Variants in HDAC9 observed in about 807,000 individuals in gnomAD.
HDAC9 encodes the protein histone deacetylase 9.
In HDAC9, 41 loss-of-function variants were observed where a neutral mutation model predicts 139.4. The observed-to-expected ratio is 0.29, with a 90% confidence interval of 0.23 to 0.38. HDAC9 has a LOEUF of 0.38. Ranked by LOEUF, HDAC9 falls within the 10% of genes least tolerant of loss-of-function variation. The pLI is 1.00. For missense variants in HDAC9, 1,147 were observed against 1,297.0 expected (o/e 0.88, Z 1.78); for synonymous variants, 517 against 476.2 (o/e 1.09, Z -1.12).
intron 1 of HDAC9, among the ~76,000 whole-genome samples, chr7:18,144,916 A>G (rs1362645180): frequency 1.3e-5 from 2 of 152,192 alleles, no homozygotes; most frequent in African/African-American, 4.8e-5. Flanking sequence ...ACCTTGTGAT[A>G]CTGTATGTTT....
intron 2 of HDAC9, among the ~76,000 whole-genome samples, chr7:18,202,231 T>G (rs1791184190): frequency 6.6e-6 from 1 of 152,232 alleles, no homozygotes; most frequent in South Asian, 2.1e-4. Flanking sequence ...TTTAGTTGAT[T>G]CATGTAGGTA....
chr7:18,996,217 G>T lies in HDAC9; in HGVS notation c.*155G>T, dbSNP rs749199690. ...AAAATTCTGAACAGCAGCTTCACTTGTTCTTTGGATGGACTTGAAAGGGCA... is the reference window on the plus strand; with the variant it reads ...AAAATTCTGAACAGCAGCTTCACTTTTTCTTTGGATGGACTTGAAAGGGCA... On this transcript the variant is annotated 3_prime_UTR_variant, in exon 26 of 26. Transcript: ENST00000686413. 3.4e-4 allele frequency: 187 copies of T among 549,882 alleles called. 1 individual carries two copies. Among genetic ancestry groups the T allele is most frequent in the Non-Finnish European group, 4.3e-4 (131 of 305,194 alleles). 34.1% of individuals were successfully genotyped at this position (549,882 alleles called of 1,614,324 possible).
At chr7:18,978,673 A>G (rs1784705965) in intron 25 of HDAC9, among the ~76,000 whole-genome samples, 1 of 152,228 alleles carries the variant, frequency 6.6e-6, no homozygotes, top group Non-Finnish European at 1.5e-5. Context: ...CATATAGCAT[A>G]CTACTTAGAA....
chr7:18,908,352 CAT>C (rs939893733), intron 22 of HDAC9, among the ~76,000 whole-genome samples: 4 of 152,056 alleles, frequency 2.6e-5, no homozygotes, highest in African/African-American at 7.2e-5. Flanking sequence ...ATTAAATTAA[CAT>C]ATCCATCACC....
chr7:18,886,275 C>T (rs1165810849), intron 22 of HDAC9, among the ~76,000 whole-genome samples: 1 of 152,152 alleles, frequency 6.6e-6, no homozygotes, highest in African/African-American at 2.4e-5. Context: ...TTACTGATGT[C>T]ATGAAACAAT....
chr7:18,786,485 T>TCTTCCTTCCTTCCTTCCTTCCTTC (rs143616708), intron 16 of HDAC9, among the ~76,000 whole-genome samples: 1 of 128,480 alleles, frequency 7.8e-6, no homozygotes, highest in African/African-American at 3.7e-5. Flanking sequence ...TTCCTTCCTT[T>TCTTCCTTCCTTCCTTCCTTCCTTC]CTTCCTTCCT....
At chr7:18,789,286 G>GCGCGCGCA (rs146066951) in intron 16 of HDAC9, among the ~76,000 whole-genome samples, 9 of 148,396 alleles carry the variant, frequency 6.1e-5, no homozygotes, top group Non-Finnish European at 1.0e-4. Context: ...ACACATACAC[G>GCGCGCGCA]CACACACACA....
At chr7:18,887,339 G>T (rs968281759) in intron 22 of HDAC9, among the ~76,000 whole-genome samples, 1 of 152,134 alleles carries the variant, frequency 6.6e-6, no homozygotes, top group Non-Finnish European at 1.5e-5. Context: ...CCTGATCTAG[G>T]GACCAGGCTT....
intron 22 of HDAC9, among the ~76,000 whole-genome samples, chr7:18,922,793 C>T (rs1803874036): frequency 6.6e-6 from 1 of 152,034 alleles, no homozygotes; most frequent in Non-Finnish European, 1.5e-5. Flanking sequence ...TATCCAAATT[C>T]AGAATCAGTG....
intron 21 of HDAC9, among the ~76,000 whole-genome samples, chr7:18,852,999 T>A (rs1377869947): frequency 6.6e-6 from 1 of 152,006 alleles, no homozygotes; most frequent in South Asian, 2.1e-4. Context: ...AGTATTTACA[T>A]GGGGAGCGCA....
intron 22 of HDAC9, among the ~76,000 whole-genome samples, chr7:18,931,410 G>T (rs1804732813): frequency 6.6e-6 from 1 of 152,134 alleles, no homozygotes; most frequent in Admixed American, 6.5e-5. Context: ...TAAAATGCTT[G>T]ATAACAGTTT....
intron 1 of HDAC9, among the ~76,000 whole-genome samples, chr7:18,375,005 T>A (rs1784880512): frequency 6.6e-6 from 1 of 151,218 alleles, no homozygotes; most frequent in Non-Finnish European, 1.5e-5. Context: ...GTACAACACA[T>A]ATCACTTGAT....
At chr7:18,107,197 C>G (rs1046566722) in intron 1 of HDAC9, among the ~76,000 whole-genome samples, 1 of 152,168 alleles carries the variant, frequency 6.6e-6, no homozygotes, top group Non-Finnish European at 1.5e-5. Flanking sequence ...CCCAAATACT[C>G]TGGGCATCCC....
At chr7:18,326,972 A>G (rs1800498952) in intron 1 of HDAC9, among the ~76,000 whole-genome samples, 1 of 151,896 alleles carries the variant, frequency 6.6e-6, no homozygotes, top group Non-Finnish European at 1.5e-5. Context: ...TGGATGCCTC[A>G]TTACATCTGT....
At chr7:18,650,491 A>C (rs1788896435) in intron 11 of HDAC9, among the ~76,000 whole-genome samples, 1 of 152,166 alleles carries the variant, frequency 6.6e-6, no homozygotes, top group African/African-American at 2.4e-5. Context: ...TTATTAACTA[A>C]TTGCCACTGT....
chr7:18,609,679 G>A (rs963559998), intron 6 of HDAC9, among the ~76,000 whole-genome samples: 18 of 151,978 alleles, frequency 1.2e-4, no homozygotes, highest in Admixed American at 8.5e-4. Flanking sequence ...TGTGCACAAC[G>A]TGCAGGTTTG....
chr7:18,393,959 C>T (rs559577072), intron 1 of HDAC9, among the ~76,000 whole-genome samples: 3 of 152,262 alleles, frequency 2.0e-5, no homozygotes, highest in Admixed American at 2.0e-4. Flanking sequence ...AGACATGTCT[C>T]AGTGAAGTTC....
At chr7:18,807,595 C>T (rs188173961) in intron 17 of HDAC9, among the ~76,000 whole-genome samples, 1 of 152,000 alleles carries the variant, frequency 6.6e-6, no homozygotes, top group Non-Finnish European at 1.5e-5. Flanking sequence ...CCTAGAACTG[C>T]TTTTGCTGCA....
intron 12 of HDAC9, among the ~76,000 whole-genome samples, chr7:18,706,323 A>T (rs1263918063): frequency 6.6e-6 from 1 of 152,084 alleles, no homozygotes; most frequent in Non-Finnish European, 1.5e-5. Context: ...CTGAGGTTAA[A>T]GACTTCGTTG....
Sources: allele counts gnomAD v4.1 joint callset (sites outside exome capture counted in the v4.1 genomes callset), GRCh38; gene constraint gnomAD v4.1.1; transcripts MANE v1.5; gene names NCBI Gene and HGNC (gene_info 2026-07-23, HGNC 2026-07-21).